Variants in STXBP5L observed in about 807,000 individuals in gnomAD.
The protein encoded by STXBP5L is syntaxin-binding protein 5-like.
In STXBP5L, 65 loss-of-function variants were observed where a neutral mutation model predicts 144.5. The observed-to-expected ratio is 0.45, with a 90% confidence interval of 0.37 to 0.55. The LOEUF (loss-of-function observed/expected upper bound fraction) is 0.55. Among genes scored for constraint, STXBP5L ranks in the 20% least tolerant of loss-of-function variants. The pLI, the probability that STXBP5L is intolerant of heterozygous loss-of-function variation, is 0.00. For missense variants in STXBP5L, 1,298 were observed against 1,405.5 expected, an observed-to-expected ratio of 0.92 and a Z score of 1.22; for synonymous variants, 505 against 469.6, an observed-to-expected ratio of 1.08 and a Z score of -0.97.
In STXBP5L at chr3:120,943,826, C is replaced by CT. The variant is rs879485716; in HGVS notation, c.190-11102dup. On this transcript the variant is annotated intron_variant, in intron 2 of 26. Transcript: ENST00000471454. ...AAACAACTGTTTTCTTCTTCTTCTT[C>CT]TTTTTTTTTTTTAAACTGGATCATT... 5.1e-3 allele frequency among the ~76,000 whole-genome samples: 728 copies of CT among 142,708 alleles called. 1 individual carries two copies. Among genetic ancestry groups the CT allele is most frequent in the Non-Finnish European group, 8.0e-3 (514 of 64,594 alleles). The allele number at this position is 142,708 out of a possible 152,430, so 93.6% of individuals were successfully genotyped here. A position where few individuals can be genotyped will look rare whatever the true frequency, so the allele number is the denominator to read the frequency against.
At chr3:121,089,526 ATT>A (rs10713183) in intron 5 of STXBP5L, among the ~76,000 whole-genome samples, 6 of 150,872 alleles carry the variant, frequency 4.0e-5, no homozygotes, top group Non-Finnish European at 7.4e-5. Context: ...TGCTTTAAAG[ATT>A]TTTTTTTTCT....
chr3:121,043,773 T>C (rs1947321084), intron 4 of STXBP5L, among the ~76,000 whole-genome samples: 1 of 152,180 alleles, frequency 6.6e-6, no homozygotes, highest in South Asian at 2.1e-4. Flanking sequence ...GGTATTACTG[T>C]AAGATATTAT....
At chr3:121,112,374 G>A (rs1037569767) in intron 5 of STXBP5L, among the ~76,000 whole-genome samples, 2 of 152,156 alleles carry the variant, frequency 1.3e-5, no homozygotes, top group African/African-American at 4.8e-5. Flanking sequence ...TCACCACCTT[G>A]CTTGGCTGGG....
chr3:120,977,143 G>C (rs1274896689), intron 3 of STXBP5L, among the ~76,000 whole-genome samples: 1 of 152,096 alleles, frequency 6.6e-6, no homozygotes, highest in African/African-American at 2.4e-5. Context: ...TTGACAGTGG[G>C]GTGTTAAAGT....
chr3:121,359,823 A>T (rs982071517), intron 20 of STXBP5L, among the ~76,000 whole-genome samples: 2 of 151,816 alleles, frequency 1.3e-5, no homozygotes, highest in East Asian at 3.9e-4. Flanking sequence ...TTTTTATGCC[A>T]GTACCATGCT....
intron 20 of STXBP5L, among the ~76,000 whole-genome samples, chr3:121,360,704 G>C (rs1272374004): frequency 6.6e-6 from 1 of 151,876 alleles, no homozygotes; most frequent in Non-Finnish European, 1.5e-5. Context: ...TTGTCCTCCT[G>C]CTTTTTAACT....
At chr3:121,015,872 A>G (rs186473700) in intron 3 of STXBP5L, among the ~76,000 whole-genome samples, 113 of 152,312 alleles carry the variant, frequency 7.4e-4, no homozygotes, top group Middle Eastern at 3.4e-3. Flanking sequence ...TGAATGTCAC[A>G]GCCCAGACAC....
intron 19 of STXBP5L, among the ~76,000 whole-genome samples, chr3:121,309,786 TA>T (rs1454367498): frequency 6.6e-6 from 1 of 152,252 alleles, no homozygotes; most frequent in Admixed American, 6.5e-5. Flanking sequence ...CACAGTCCTA[TA>T]AAAAAATCTA....
chr3:121,156,291 G>T (rs762309714), intron 8 of STXBP5L, among the ~76,000 whole-genome samples: 1 of 151,868 alleles, frequency 6.6e-6, no homozygotes, highest in Admixed American at 6.6e-5. Context: ...TTATGTATGT[G>T]TAACTTAGTT....
chr3:121,381,686 C>G (rs1297401862), intron 22 of STXBP5L, among the ~76,000 whole-genome samples, 154 bp downstream of exon 22: 1 of 152,052 alleles, frequency 6.6e-6, no homozygotes, highest in Non-Finnish European at 1.5e-5. Flanking sequence ...TATACCATCC[C>G]AACATCTGTC....
chr3:121,131,692 A>G (rs2044996922), intron 7 of STXBP5L, among the ~76,000 whole-genome samples: 2 of 152,334 alleles, frequency 1.3e-5, no homozygotes, highest in East Asian at 3.9e-4. Flanking sequence ...TGATAACTAA[A>G]CCTAATAAAA....
intron 9 of STXBP5L, among the ~76,000 whole-genome samples, chr3:121,186,157 G>T (rs1377410600): frequency 2.0e-5 from 3 of 152,130 alleles, no homozygotes; most frequent in Non-Finnish European, 4.4e-5. Context: ...TGTATCCTGA[G>T]ACTTTGCTGA....
intron 20 of STXBP5L, among the ~76,000 whole-genome samples, chr3:121,323,267 G>T (rs1313513964): frequency 1.3e-4 from 20 of 152,060 alleles, no homozygotes; most frequent in Admixed American, 9.8e-4. Flanking sequence ...CTTTTTCAAG[G>T]CCAGTGTTCA....
chr3:121,112,392 G>A (rs1267669407), intron 5 of STXBP5L, among the ~76,000 whole-genome samples: 4 of 152,150 alleles, frequency 2.6e-5, no homozygotes, highest in Non-Finnish European at 4.4e-5. Flanking sequence ...GGGAGTGGGA[G>A]TTCCCCTTGT....
chr3:121,117,153 A>G (rs2044266557), intron 6 of STXBP5L, among the ~76,000 whole-genome samples: 1 of 151,902 alleles, frequency 6.6e-6, no homozygotes, highest in Admixed American at 6.6e-5. Flanking sequence ...AGTTTTTAAA[A>G]TGTATATTAT....
chr3:121,051,134 T>A (rs959969488), intron 5 of STXBP5L, among the ~76,000 whole-genome samples: 1 of 152,124 alleles, frequency 6.6e-6, no homozygotes, highest in Non-Finnish European at 1.5e-5. Context: ...ACAATAATAA[T>A]GGGAGACTTT....
chr3:121,388,833 G>A (rs1048760673), intron 22 of STXBP5L, among the ~76,000 whole-genome samples: 1 of 152,196 alleles, frequency 6.6e-6, no homozygotes, highest in South Asian at 2.1e-4. Context: ...GTTCATCACA[G>A]ATATTGCTCT....
At chr3:121,187,867 GAAAA>G (rs879836509) in intron 9 of STXBP5L, among the ~76,000 whole-genome samples, 1 of 137,446 alleles carries the variant, frequency 7.3e-6, no homozygotes, top group African/African-American at 2.7e-5. Context: ...CAAATGGAAA[GAAAA>G]AAAAAAAGCA....
At chr3:121,001,044 T>G (rs541636850) in intron 3 of STXBP5L, among the ~76,000 whole-genome samples, 1 of 152,326 alleles carries the variant, frequency 6.6e-6, no homozygotes, top group South Asian at 2.1e-4. Flanking sequence ...GCAATGATAC[T>G]GCATTGGTGG....
Sources: allele counts gnomAD v4.1 joint callset (sites outside exome capture counted in the v4.1 genomes callset), GRCh38; gene constraint gnomAD v4.1.1; transcripts MANE v1.5; gene names NCBI Gene and HGNC (gene_info 2026-07-23, HGNC 2026-07-21).